Variants in DIDO1 observed in about 807,000 individuals in gnomAD.
DIDO1 encodes death inducer-obliterator 1.
Under a neutral mutation model 99.4 loss-of-function variants are expected in DIDO1, and 16 were observed. The observed-to-expected ratio is 0.16, with a 90% CI of 0.11 to 0.24. The LOEUF is 0.24. Ranked by LOEUF, DIDO1 falls within the 10% of genes least tolerant of loss-of-function variation. The pLI is 1.00. For synonymous variants in DIDO1, 1,366 were observed against 1,239.1 expected (o/e 1.10, Z -2.15); for missense variants, 2,996 against 3,014.0 (o/e 0.99, Z 0.14).
At chr20:62,895,922 T>C (rs1249185334) in intron 8 of DIDO1, among the ~76,000 whole-genome samples, 1 of 152,166 alleles carries the variant, frequency 6.6e-6, no homozygotes, top group African/African-American at 2.4e-5. Flanking sequence ...TGGACTTTAT[T>C]TTGGAGCCCA....
rs1381723872 is a variant in DIDO1, at chr20:62,880,252, C to A, written c.5704G>T (p.Gly1902Cys). 4 of 1,612,656 alleles carry A rather than the reference C, an allele frequency of 2.5e-6. No individual in the cohort carries two copies. Among genetic ancestry groups the A allele is most frequent in the Non-Finnish European group, 2.5e-6 (3 of 1,179,924 alleles). The change falls in exon 16 of 16, where the codon GGC becomes TGC. Residue 1902 changes from glycine to cysteine, a missense_variant. Coordinates refer to ENST00000395343, the MANE Select transcript of DIDO1 (RefSeq NM_001193369.2). ...QRRPLLSQLK[G>C]PRGGPPPSQF... is the part of the protein sequence containing the mutation. ...GAGGGAGGGGGGCCGCCTCGGGGGC[C>A]TTTCAGCTGAGACAGCAGTGGCCTT...
In DIDO1 at chr20:62,888,775, G is replaced by C. The variant is rs550131415; in HGVS notation, c.3541+2185C>G. The C allele has an allele frequency of 4.2e-5, 41 of 985,458 alleles. No individual in the cohort carries two copies. In the African/African-American group the frequency reaches 7.1e-4, roughly 17 times the overall value. The allele number at this position is 985,458 out of a possible 1,614,324, so 61.0% of individuals were successfully genotyped here. ...AAGTAATCAGTACGTGAAGCGGGCC[G>C]AGTACCCGATGGCCTGGCCCGGGGT... On this transcript the variant is annotated intron_variant, in intron 15 of 15. Coordinates refer to ENST00000395343, the MANE Select transcript of DIDO1 (RefSeq NM_001193369.2).
In DIDO1 at chr20:62,895,100, T is replaced by C. The variant is rs899412437; in HGVS notation, c.2280A>G (p.Glu760=). 2 of 1,612,042 alleles carry C rather than the reference T, an allele frequency of 1.2e-6. No homozygotes were observed. Among genetic ancestry groups the C allele is most frequent in the Non-Finnish European group, 1.7e-6 (2 of 1,178,306 alleles). ...SLAKLVRLKP[E]ELVSKELSTW... is the part of the protein sequence containing the mutation. ...TGGAAAGCTCTTTAGATACAAGTTC[T>C]TCTGGCTTCAGTCTCACAAGTTTCG... Residue 760 remains glutamate, a synonymous_variant, in exon 9 of 16, where the codon GAA becomes GAG. Transcript: ENST00000395343.
At position 62,893,997 on chromosome 20, in the gene DIDO1, C is replaced by G. The variant is rs781517563; in HGVS notation, c.2770G>C (p.Val924Leu). The change falls in exon 12 of 16, where the codon GTG becomes CTG. Residue 924 changes from valine to leucine, a missense_variant. Val to Leu is a conservative substitution (Grantham distance 32, BLOSUM62 1). Transcript: ENST00000395343. ...GGCCCAGGGAAATACGTTCTGTCCA[C>G]ATTTGGATGAGAAGCACTTTCTAGG... ...PGLESASHPNVDRTYFPGPPG... is the reference protein window; with the variant it reads ...PGLESASHPNLDRTYFPGPPG... The G allele has an allele frequency of 1.2e-6, 2 of 1,614,190 alleles. No homozygotes were observed. Among genetic ancestry groups the G allele is most frequent in the African/African-American group, 2.7e-5 (2 of 75,064 alleles).
At chr20:62,933,763 C>G (rs972476260) in intron 1 of DIDO1, among the ~76,000 whole-genome samples, 24 of 152,110 alleles carry the variant, frequency 1.6e-4, no homozygotes, top group Non-Finnish European at 3.2e-4. Context: ...CCCAGCTACT[C>G]AAGAGGCTAA....
In DIDO1 at chr20:62,880,046, C is replaced by T. The variant is rs1457980518; in HGVS notation, c.5910G>A (p.Gln1970=). 2 of 1,611,192 alleles carry T rather than the reference C, an allele frequency of 1.2e-6. No individual in the cohort carries two copies. The highest frequency in any genetic ancestry group is 2.7e-5 in the African/African-American group (2 of 74,950). Residue 1970 remains glutamine, a synonymous_variant, in exon 16 of 16, where the codon CAG becomes CAA. Coordinates refer to ENST00000395343, the MANE Select transcript of DIDO1 (RefSeq NM_001193369.2). The stretch of plus-strand genomic sequence containing the variant: ...TGAATCTTGGTGGTGAATGGACCCT[C>T]TGGTCTTCGAACTGCTGAGGCTGAA... ...RGIQPQQFED[Q]RVHSPPRFTN... is the part of the protein sequence containing the mutation.
At chr20:62,920,287 C>A (rs1568883070) in intron 1 of DIDO1, among the ~76,000 whole-genome samples, 1 of 152,130 alleles carries the variant, frequency 6.6e-6, no homozygotes, top group Non-Finnish European at 1.5e-5. Context: ...AGGTTTAAAT[C>A]ACTGTTCCTT....
In DIDO1 at chr20:62,882,086, G is replaced by A; in HGVS notation, c.3870C>T (p.Ala1290=). The change falls in exon 16 of 16, where the codon GCC becomes GCT. Residue 1290 remains alanine, a synonymous_variant. Coordinates refer to ENST00000395343, the MANE Select transcript of DIDO1 (RefSeq NM_001193369.2). The part of the protein sequence containing the change: ...KPAAPSPATA[A]TTAAAASTAA... ...CCGTGGAGGCTGCCGCTGCTGTTGT[G>A]GCTGCTGTGGCTGGGCTGGGGGCTG... is the stretch of plus-strand genomic sequence containing the variant. 1 of 1,601,024 alleles carries A rather than the reference G, an allele frequency of 6.2e-7. No individual in the cohort carries two copies. Among genetic ancestry groups the A allele is most frequent in the Middle Eastern group, 1.7e-4 (1 of 5,946 alleles).
intron 6 of DIDO1, among the ~76,000 whole-genome samples, chr20:62,902,315 G>C (rs916984142): frequency 6.6e-6 from 1 of 152,296 alleles, no homozygotes; most frequent in Non-Finnish European, 1.5e-5. Flanking sequence ...GAAACTTCCA[G>C]TTATATGGAT....
intron 1 of DIDO1, among the ~76,000 whole-genome samples, chr20:62,919,550 A>G (rs1027375527): frequency 3.3e-5 from 5 of 152,170 alleles, no homozygotes; most frequent in African/African-American, 9.6e-5. Flanking sequence ...CAAAGAAGAA[A>G]AAAAAAAAGC....
chr20:62,896,169 T>G lies in DIDO1; in HGVS notation c.2214+64A>C. On this transcript the variant is annotated intron_variant, in intron 8 of 15. Transcript: ENST00000395343. This position sits in a 1 kb window ranked among gnomAD's most constrained non-coding sequence, Gnocchi z 4.4. ...GACACGAACATCTCAAAATATTGGTTGATCCCTTTAGCACCCAGCGAACAG... is the reference window on the plus strand; with the variant it reads ...GACACGAACATCTCAAAATATTGGTGGATCCCTTTAGCACCCAGCGAACAG... 6.8e-7 allele frequency: 1 copy of G among 1,475,426 alleles called. No individual in the cohort carries two copies. The highest frequency in any genetic ancestry group is 1.3e-5 in the South Asian group (1 of 77,948). 91.4% of individuals were successfully genotyped at this position (1,475,426 alleles called of 1,614,324 possible).
chr20:62,888,338 GAA>G, intron 15 of DIDO1: 2 of 985,532 alleles, frequency 2.0e-6, no homozygotes, highest in Non-Finnish European at 2.4e-6. Flanking sequence ...ATCCCCAGGG[GAA>G]GATGCTCCCA....
chr20:62,900,104 A>G (rs577708471), intron 6 of DIDO1, among the ~76,000 whole-genome samples: 1 of 152,096 alleles, frequency 6.6e-6, no homozygotes, highest in African/African-American at 2.4e-5. Flanking sequence ...CCTCCCCTAC[A>G]CGCTGCTGGG....
chr20:62,897,471 G>A (rs541255693), intron 6 of DIDO1, among the ~76,000 whole-genome samples: 14 of 152,310 alleles, frequency 9.2e-5, no homozygotes, highest in East Asian at 3.9e-4. Flanking sequence ...ATCTCACTTC[G>A]TTGTCCTTCC....
At chr20:62,925,794 G>A (rs1437653854) in intron 1 of DIDO1, among the ~76,000 whole-genome samples, 1 of 152,162 alleles carries the variant, frequency 6.6e-6, no homozygotes, top group African/African-American at 2.4e-5. Context: ...TCACAAATAC[G>A]GCCAGTACAA....
At chr20:62,886,137 T>TACTGAGGGCC (rs1489235231) in intron 15 of DIDO1, among the ~76,000 whole-genome samples, 1 of 152,220 alleles carries the variant, frequency 6.6e-6, no homozygotes, top group Non-Finnish European at 1.5e-5. Flanking sequence ...TCCTGAGGGC[T>TACTGAGGGCC]ACTGAGGGCC....
At chr20:62,901,067 G>A (rs909128746) in intron 6 of DIDO1, among the ~76,000 whole-genome samples, 5 of 152,220 alleles carry the variant, frequency 3.3e-5, no homozygotes, top group African/African-American at 1.2e-4. Flanking sequence ...CTCTCAACAT[G>A]CTAGAATGTG....
chr20:62,925,876 A>G (rs2065242418), intron 1 of DIDO1, among the ~76,000 whole-genome samples: 1 of 152,220 alleles, frequency 6.6e-6, no homozygotes, highest in Admixed American at 6.5e-5. Flanking sequence ...CTCTTCAGAA[A>G]AGCGAATCCG....
chr20:62,927,617 C>T (rs1474387839), upstream of DIDO1, among the ~76,000 whole-genome samples: 2 of 152,228 alleles, frequency 1.3e-5, no homozygotes, highest in African/African-American at 2.4e-5. Flanking sequence ...TTGGCGTTGG[C>T]CCTGGCCAAG....
Sources: allele counts gnomAD v4.1 joint callset (sites outside exome capture counted in the v4.1 genomes callset), GRCh38; gene constraint gnomAD v4.1.1; non-coding constraint Gnocchi (gnomAD v3.1); transcripts MANE v1.5; gene names NCBI Gene and HGNC (gene_info 2026-07-23, HGNC 2026-07-21).